Variants in ALPK1 observed in about 807,000 individuals in gnomAD.
ALPK1 encodes the protein alpha-protein kinase 1.
ALPK1 carries 110 observed loss-of-function variants against 120.6 expected under a neutral mutation model. The ratio of observed to expected loss-of-function variants is 0.91; its 90% CI spans 0.78 to 1.07. ALPK1 has a LOEUF of 1.07. Ranked by LOEUF, ALPK1 falls within the 50% of genes least tolerant of loss-of-function variation. The pLI, the probability that ALPK1 is intolerant of heterozygous loss-of-function variation, is 0.00. For synonymous variants in ALPK1, 582 were observed against 560.3 expected, an observed-to-expected ratio of 1.04 and a Z score of -0.55; for missense variants, 1,498 against 1,483.9, an observed-to-expected ratio of 1.01 and a Z score of -0.16.
chr4:112,404,363 T>A (rs1578541910), intron 4 of ALPK1, among the ~76,000 whole-genome samples: 1 of 152,280 alleles, frequency 6.6e-6, no homozygotes, highest in South Asian at 2.1e-4. Context: ...GCACCCACAA[T>A]CTACCAAGCT....
At chr4:112,402,187 A>G (rs948894342) in intron 4 of ALPK1, among the ~76,000 whole-genome samples, 1 of 152,028 alleles carries the variant, frequency 6.6e-6, no homozygotes, top group Non-Finnish European at 1.5e-5. Flanking sequence ...CAATCTCCCA[A>G]TTTGTTATGC....
rs1553962321 is a variant in ALPK1 at position 112,431,619 on chromosome 4, T to C, written c.2072T>C (p.Leu691Pro). The stretch of plus-strand genomic sequence containing the variant: ...TTCTTGGCCCCTGGTGCAGGGCTTC[T>C]AGAAGGAGCTCCAGAAGGTATCCAG... Reference protein sequence around the residue: ...GIFLAPGAGLLEGAPEGIQEV... With the variant: ...GIFLAPGAGLPEGAPEGIQEV... The change falls in exon 11 of 16, where the codon CTA becomes CCA. Residue 691 changes from leucine to proline, a missense_variant. Leu to Pro is a moderately conservative substitution (Grantham distance 98). Transcript: ENST00000650871. 1.9e-6 allele frequency: 3 copies of C among 1,614,146 alleles called. No homozygotes were observed. Among genetic ancestry groups the C allele is most frequent in the Non-Finnish European group, 2.5e-6 (3 of 1,180,012 alleles).
At position 112,392,685 on chromosome 4, in the gene ALPK1, C is replaced by G. The variant is rs1279347683; in HGVS notation, c.276+10133C>G. Among the ~76,000 whole-genome samples the G allele has an allele frequency of 2.6e-5, 4 of 152,128 alleles. No individual in the cohort carries two copies. The East Asian group carries it at 7.7e-4, about 29-fold the overall frequency. The stretch of plus-strand genomic sequence containing the variant: ...GGGACTACAGGTGCATGTCACCATG[C>G]CTGGCTAATTTTTTATTTTTTTGTA... On this transcript the variant is annotated intron_variant, in intron 4 of 15. Coordinates refer to ENST00000650871, the MANE Select transcript of ALPK1 (RefSeq NM_025144.4).
chr4:112,409,821 G>A (rs1395037784), intron 4 of ALPK1, among the ~76,000 whole-genome samples: 1 of 152,130 alleles, frequency 6.6e-6, no homozygotes, highest in African/African-American at 2.4e-5. Context: ...TCACATGGAA[G>A]GAAACATCGA....
At position 112,427,690 on chromosome 4, in the gene ALPK1, A is replaced by G. The variant is rs527857871; in HGVS notation, c.795+25A>G. The G allele has an allele frequency of 1.0e-4, 159 of 1,530,642 alleles. 2 individuals carry two copies. The South Asian group carries it at 1.6e-3, about 16-fold the overall frequency. The allele number at this position is 1,530,642 out of a possible 1,614,324, so 94.8% of individuals were successfully genotyped here. A position where few individuals can be genotyped will look rare whatever the true frequency, so the allele number is the denominator to read the frequency against. Reference sequence around the variant, plus strand: ...GGTAATTATCATAACACTGAGTGGCATCACCTGTAAAATTGTCAATCGTGT... The same window carrying G: ...GGTAATTATCATAACACTGAGTGGCGTCACCTGTAAAATTGTCAATCGTGT... On this transcript the variant is annotated intron_variant, in intron 9 of 15. Transcript: ENST00000650871.
At position 112,414,608 on chromosome 4, in the gene ALPK1, CA is replaced by C. The variant is rs397975906; in HGVS notation, c.475+2596del. The C allele has an allele frequency of 9.1e-3, 1,334 of 146,580 alleles. 1 individual carries two copies. The highest frequency in any genetic ancestry group is 0.031 in the South Asian group (161 of 5,256). 9.1% of individuals were successfully genotyped at this position (146,580 alleles called of 1,614,324 possible). A position where few individuals can be genotyped will look rare whatever the true frequency, so the allele number is the denominator to read the frequency against. On this transcript the variant is annotated intron_variant, in intron 5 of 15. Coordinates refer to ENST00000650871, the MANE Select transcript of ALPK1 (RefSeq NM_025144.4). ...GGGGCACAAGATCAAGACTTCGTCT[CA>C]AAAAAAAAAAAAGAGAGACGACTCA...
At chr4:112,335,663 A>G (rs913870506) in intron 2 of ALPK1, among the ~76,000 whole-genome samples, 16 of 152,348 alleles carry the variant, frequency 1.1e-4, no homozygotes, top group South Asian at 2.1e-4. Context: ...GGCAAAAAAT[A>G]TAACTCTTTA....
At chr4:112,356,449 C>A (rs776918414) in intron 2 of ALPK1, 1 of 945,428 alleles carries the variant, frequency 1.1e-6, no homozygotes, top group Non-Finnish European at 1.7e-6. Flanking sequence ...ACGGACATCC[C>A]AAAGATCATT....
At chr4:112,341,542 C>G (rs138848511) in intron 2 of ALPK1, among the ~76,000 whole-genome samples, 2 of 152,164 alleles carry the variant, frequency 1.3e-5, no homozygotes, top group African/African-American at 2.4e-5. Context: ...AAAATATGTG[C>G]TGTACCAAAT....
At chr4:112,439,144 G>A (rs753409152) in intron 13 of ALPK1, among the ~76,000 whole-genome samples, 9 of 152,108 alleles carry the variant, frequency 5.9e-5, no homozygotes, top group Non-Finnish European at 8.8e-5. Context: ...TTGCTACCCC[G>A]AATATATTAG....
At chr4:112,351,621 G>A (rs748057405) in intron 2 of ALPK1, among the ~76,000 whole-genome samples, 4 of 152,006 alleles carry the variant, frequency 2.6e-5, no homozygotes, top group East Asian at 3.9e-4. Context: ...TTACAAGCAC[G>A]CGCCACCATG....
intron 2 of ALPK1, among the ~76,000 whole-genome samples, chr4:112,337,146 A>G: frequency 6.6e-6 from 1 of 152,244 alleles, no homozygotes; most frequent in Middle Eastern, 3.4e-3. Context: ...TTAAACAACA[A>G]GATTTTTAAA....
rs374270777 is a variant in ALPK1, at chr4:112,356,215, G to A, written c.-100-21463G>A. 113 of 1,595,450 alleles carry A rather than the reference G, an allele frequency of 7.1e-5. 2 individuals are homozygous for A. The African/African-American group carries it at 1.4e-3, about 20-fold the overall frequency. ...AATGCCAACAGGAGTACATGACCAA[G>A]GTCCTGGAATGTCTGCAGATGAATG... is the stretch of plus-strand genomic sequence containing the variant. On this transcript the variant is annotated intron_variant, in intron 2 of 15. Coordinates refer to ENST00000650871, the MANE Select transcript of ALPK1 (RefSeq NM_025144.4).
intron 4 of ALPK1, among the ~76,000 whole-genome samples, chr4:112,386,302 C>T (rs913838636): frequency 1.3e-5 from 2 of 152,168 alleles, no homozygotes; most frequent in Non-Finnish European, 2.9e-5. Context: ...ACACTCCACA[C>T]AAAGCTTGCT....
At chr4:112,376,806 C>T (rs1014243781) in intron 2 of ALPK1, among the ~76,000 whole-genome samples, 11 of 152,182 alleles carry the variant, frequency 7.2e-5, no homozygotes, top group African/African-American at 2.2e-4. Context: ...AGTGTCTAAA[C>T]CTGACAGCAG....
intron 2 of ALPK1, among the ~76,000 whole-genome samples, chr4:112,338,261 C>T (rs1201322554): frequency 2.6e-5 from 4 of 152,200 alleles, no homozygotes; most frequent in African/African-American, 7.2e-5. Context: ...CCACCGCGCC[C>T]GGCCGTCATT....
At position 112,432,227 on chromosome 4, in the gene ALPK1, G is replaced by A. The variant is rs375839432; in HGVS notation, c.2680G>A (p.Gly894Ser). Residue 894 changes from glycine (G) to serine (S), a missense_variant, in exon 11 of 16, where the codon GGT becomes AGT. By Grantham distance (56) the Gly-to-Ser change is moderately conservative. Coordinates refer to ENST00000650871, the MANE Select transcript of ALPK1 (RefSeq NM_025144.4). ...GGAGACCCCCAATTCCTCTGTAAGC[G>A]GTAACATCCTCTTCCCTGTCCTCAG... The part of the protein sequence containing the change: ...RAETPNSSVS[G>S]NILFPVLSED... 6.8e-6 allele frequency: 11 copies of A among 1,614,064 alleles called. No homozygotes were observed. The African/African-American group carries it at 8.0e-5, about 12-fold the overall frequency.
intron 2 of ALPK1, among the ~76,000 whole-genome samples, chr4:112,339,440 T>A (rs6832400): frequency 0.67 from 101,725 of 152,102 alleles, 34,518 homozygotes; most frequent in East Asian, 0.89. Context: ...TTATTTTCAA[T>A]ATTACGAATA....
At chr4:112,424,875 A>G (rs1274939288) in intron 6 of ALPK1, among the ~76,000 whole-genome samples, 1 of 152,168 alleles carries the variant, frequency 6.6e-6, no homozygotes, top group African/African-American at 2.4e-5. Context: ...GTCTGCCTCT[A>G]TTTTTGATGT....
Sources: allele counts gnomAD v4.1 joint callset (sites outside exome capture counted in the v4.1 genomes callset), GRCh38; gene constraint gnomAD v4.1.1; transcripts MANE v1.5; gene names NCBI Gene and HGNC (gene_info 2026-07-23, HGNC 2026-07-21).